CDH20: variants seen among roughly 807,000 people sequenced by gnomAD.
The protein encoded by CDH20 is cadherin-20.
In CDH20, 29 loss-of-function variants were observed where a neutral mutation model predicts 74.2. The observed-to-expected ratio is 0.39, with a 90% CI of 0.29 to 0.53. The LOEUF is 0.53. CDH20 is among the 20% of genes least tolerant of loss of function. CDH20 has a pLI of 0.69. For synonymous variants in CDH20, 469 were observed against 405.4 expected, an observed-to-expected ratio of 1.16 and a Z score of -1.88; for missense variants, 988 against 1,048.3, an observed-to-expected ratio of 0.94 and a Z score of 0.79.
At chr18:61,352,852 G>A (rs1165796454) in intron 1 of CDH20, among the ~76,000 whole-genome samples, 1 of 152,128 alleles carries the variant, frequency 6.6e-6, no homozygotes, top group African/African-American at 2.4e-5. Flanking sequence ...ATTTCACAAG[G>A]TATCTGTTTC....
intron 5 of CDH20, among the ~76,000 whole-genome samples, chr18:61,503,325 CA>C (rs1302196139): frequency 6.6e-6 from 1 of 152,212 alleles, no homozygotes; most frequent in Non-Finnish European, 1.5e-5. Flanking sequence ...ATTTCTCAAA[CA>C]TATTTTTCCA....
At chr18:61,408,355 T>A (rs967968631) in intron 1 of CDH20, among the ~76,000 whole-genome samples, 10 of 152,188 alleles carry the variant, frequency 6.6e-5, no homozygotes, top group African/African-American at 2.4e-4. Flanking sequence ...TCTAGAACTT[T>A]GCATAAGTAA....
chr18:61,521,113 C>CAA lies in CDH20; in HGVS notation c.1018-6848_1018-6847dup, dbSNP rs553555160. On this transcript the variant is annotated intron_variant, in intron 6 of 11. Coordinates refer to ENST00000262717, the MANE Select transcript of CDH20 (RefSeq NM_031891.4). ...GGAGATAGAGACACAAAAAAACCTT[C>CAA]AAAAAAATCATTGAATCCAGGAGCT... Among the ~76,000 whole-genome samples the CAA allele has an allele frequency of 4.0e-4, 61 of 150,822 alleles. 4 individuals carry two copies. Among genetic ancestry groups the CAA allele is most frequent in the African/African-American group, 1.4e-3 (57 of 40,608 alleles).
At chr18:61,453,102 A>G (rs1183960085) in intron 1 of CDH20, among the ~76,000 whole-genome samples, 1 of 152,000 alleles carries the variant, frequency 6.6e-6, no homozygotes, top group Non-Finnish European at 1.5e-5. Flanking sequence ...CAGATACAAA[A>G]CATTTCCATC....
chr18:61,546,595 A>G (rs113827276), intron 10 of CDH20, among the ~76,000 whole-genome samples: 2,193 of 152,340 alleles, frequency 0.014, 59 homozygotes, highest in African/African-American at 0.05. Flanking sequence ...TGGGGAGGGA[A>G]AATAACACAT....
In CDH20 at chr18:61,385,585, GA is replaced by G. The variant is rs1049231977; in HGVS notation, c.-153+51766del. Among the ~76,000 whole-genome samples the G allele has an allele frequency of 7.8e-5, 11 of 141,102 alleles. No homozygotes were observed. The East Asian group carries it at 1.1e-3, about 15-fold the overall frequency. 92.6% of individuals were successfully genotyped at this position (141,102 alleles called of 152,430 possible). A position where few individuals can be genotyped will look rare whatever the true frequency, so the allele number is the denominator to read the frequency against. Reference sequence around the variant, plus strand: ...ATGAAAAGGCAAAAAAAAATTTGGGGAAAAAAAACCTTACCATAGTTATGAA... The same window carrying G: ...ATGAAAAGGCAAAAAAAAATTTGGGGAAAAAAACCTTACCATAGTTATGAA... On this transcript the variant is annotated intron_variant, in intron 1 of 11. Transcript: ENST00000262717.
intron 1 of CDH20, among the ~76,000 whole-genome samples, chr18:61,455,207 T>C (rs1386885090): frequency 6.6e-6 from 1 of 152,328 alleles, no homozygotes; most frequent in East Asian, 1.9e-4. Context: ...TTGAAGAAAT[T>C]GTCACAGATT....
At chr18:61,501,682 T>C (rs898586354) in intron 4 of CDH20, among the ~76,000 whole-genome samples, 2 of 151,986 alleles carry the variant, frequency 1.3e-5, no homozygotes, top group African/African-American at 4.8e-5. Flanking sequence ...ATCATAAAAG[T>C]AGTAAGGGAG....
At chr18:61,478,135 G>A (rs188835117) in intron 1 of CDH20, among the ~76,000 whole-genome samples, 1 of 151,564 alleles carries the variant, frequency 6.6e-6, no homozygotes, top group East Asian at 1.9e-4. Context: ...AAAGGTGGAG[G>A]TTACAGTGAG....
intron 1 of CDH20, among the ~76,000 whole-genome samples, chr18:61,421,539 T>C (rs1464889941): frequency 2.0e-5 from 3 of 152,132 alleles, no homozygotes; most frequent in Non-Finnish European, 4.4e-5. Flanking sequence ...GATTTGTGGG[T>C]CTCTTACAAA....
intron 1 of CDH20, among the ~76,000 whole-genome samples, chr18:61,405,558 G>A (rs1160556668): frequency 1.3e-5 from 2 of 152,114 alleles, no homozygotes; most frequent in African/African-American, 2.4e-5. Context: ...CTGCACTCCA[G>A]GCTGGGTGAC....
intron 1 of CDH20, among the ~76,000 whole-genome samples, chr18:61,371,458 C>T (rs935652610): frequency 2.0e-5 from 3 of 151,832 alleles, no homozygotes; most frequent in African/African-American, 2.4e-5. Flanking sequence ...TTAAAGAGGC[C>T]GGACTCCAGA....
intron 1 of CDH20, among the ~76,000 whole-genome samples, chr18:61,442,462 A>G (rs1909066976): frequency 2.6e-5 from 4 of 151,914 alleles, no homozygotes; most frequent in Admixed American, 1.3e-4. Flanking sequence ...CCAGAACTTT[A>G]CCTAAGTCTG....
At chr18:61,364,183 C>T (rs1238965141) in intron 1 of CDH20, among the ~76,000 whole-genome samples, 1 of 152,092 alleles carries the variant, frequency 6.6e-6, no homozygotes, top group African/African-American at 2.4e-5. Context: ...TCCCTCAAAC[C>T]TCACATTTAA....
intron 6 of CDH20, among the ~76,000 whole-genome samples, chr18:61,509,355 C>G (rs144321138): frequency 2.6e-5 from 4 of 152,324 alleles, no homozygotes; most frequent in African/African-American, 9.6e-5. Flanking sequence ...AGGTGCCCTA[C>G]AAATGACTCT....
At chr18:61,490,943 A>G in intron 2 of CDH20, 144 bp downstream of exon 2, 1 of 830,428 alleles carries the variant, frequency 1.2e-6, no homozygotes, top group Non-Finnish European at 1.9e-6. Context: ...GCTAAAATGT[A>G]ACTTCTGCTT....
intron 1 of CDH20, among the ~76,000 whole-genome samples, chr18:61,483,168 A>T (rs1311413395): frequency 4.6e-5 from 7 of 152,154 alleles, no homozygotes; most frequent in Admixed American, 4.6e-4. Flanking sequence ...GGGGTCCTGT[A>T]ACCCTCATCA....
intron 1 of CDH20, among the ~76,000 whole-genome samples, chr18:61,401,990 A>G (rs1280497100): frequency 6.6e-6 from 1 of 152,226 alleles, no homozygotes; most frequent in African/African-American, 2.4e-5. Context: ...TTTATCAAAT[A>G]TAATTGAGGG....
At chr18:61,341,936 T>A (rs1371045871) in intron 1 of CDH20, among the ~76,000 whole-genome samples, 1 of 152,174 alleles carries the variant, frequency 6.6e-6, no homozygotes, top group African/African-American at 2.4e-5. Context: ...GAGCATTTAT[T>A]TCAGTCTAAA....
Sources: gnomAD v4.1 joint callset for allele counts (sites outside exome capture counted in the v4.1 genomes callset) on GRCh38, gnomAD v4.1.1 for gene constraint, MANE v1.5 for transcripts, NCBI Gene and HGNC (gene_info 2026-07-23, HGNC 2026-07-21) for gene names.